The following DIAPH2 variants were observed in gnomAD, a reference collection of about 807,000 sequenced individuals.
The protein encoded by DIAPH2 is diaphanous related formin 2, also known as protein diaphanous homolog 2.
Under a neutral mutation model 92.7 loss-of-function variants are expected in DIAPH2, and 35 were observed. The observed-to-expected ratio is 0.38, with a 90% CI of 0.29 to 0.50. DIAPH2 has a LOEUF of 0.50. Ranked by LOEUF, DIAPH2 falls within the 20% of genes least tolerant of loss-of-function variation. The probability of loss-of-function intolerance (pLI) is 0.94; values close to 1 mark genes in which losing one functional copy is unlikely to be tolerated. For missense variants in DIAPH2, 701 were observed against 819.5 expected (o/e 0.86, Z 1.77); for synonymous variants, 301 against 280.4 (o/e 1.07, Z -0.73).
At chrX:97,367,725 G>A (rs1429810514) in intron 24 of DIAPH2, among the ~76,000 whole-genome samples, 2 of 96,434 alleles carry the variant, frequency 2.1e-5, no homozygotes, top group African/African-American at 3.9e-5. Flanking sequence ...TTTTTGAGAT[G>A]GAGTTTCTCT....
At chrX:97,380,273 T>C (rs891252447) in intron 24 of DIAPH2, among the ~76,000 whole-genome samples, 1 of 111,699 alleles carries the variant, frequency 9.0e-6, no homozygotes, top group African/African-American at 3.2e-5. Context: ...CAAAACACTT[T>C]TTCAATTAGC....
chrX:96,774,955 A>C (rs1266942500), intron 4 of DIAPH2, among the ~76,000 whole-genome samples: 1 of 112,439 alleles, frequency 8.9e-6, no homozygotes, highest in Admixed American at 9.4e-5. Context: ...CTGTGTATAA[A>C]CTAAAATCAG....
chrX:97,546,026 T>G lies in DIAPH2; in HGVS notation c.3242-53227T>G, dbSNP rs756896077. 3.8e-4 allele frequency among the ~76,000 whole-genome samples: 42 copies of G among 111,523 alleles called. No homozygotes were observed. The South Asian group carries it at 0.015, about 40-fold the overall frequency. On this transcript the variant is annotated intron_variant, in intron 26 of 26. Coordinates refer to ENST00000324765, the MANE Select transcript of DIAPH2 (RefSeq NM_006729.5). ...AAGTTTGTCAAATTCGAATGAGACT[T>G]AATATATGGACAATCTATATGACTA...
intron 26 of DIAPH2, among the ~76,000 whole-genome samples, chrX:97,516,991 A>C (rs2147842502): frequency 8.9e-6 from 1 of 112,452 alleles, no homozygotes; most frequent in African/African-American, 3.2e-5. Flanking sequence ...ATGTATATTC[A>C]AGGTGTACAG....
In DIAPH2 at chrX:97,491,733, C is replaced by T. The variant is rs774731557; in HGVS notation, c.3241+61988C>T. Among the ~76,000 whole-genome samples the T allele has an allele frequency of 6.2e-5, 7 of 112,209 alleles. No homozygotes were observed. The South Asian group carries it at 2.6e-3, about 42-fold the overall frequency. ...TCAAGTAATTATTGATAGGGAAGGA[C>T]TTACTATTGCCCTTTTGTTGATTGT... On this transcript the variant is annotated intron_variant, in intron 26 of 26. Transcript: ENST00000324765.
At position 96,794,612 on chromosome X, in the gene DIAPH2, A is replaced by G. The variant is rs932197647; in HGVS notation, c.447+36354A>G. 2.7e-5 allele frequency among the ~76,000 whole-genome samples: 3 copies of G among 111,595 alleles called. No individual in the cohort carries two copies. The Admixed American group carries it at 2.8e-4, about 11-fold the overall frequency. Reference sequence around the variant, plus strand: ...AAATCATGTTGGAGAGCAAATTGGCATCATTAACTGAAGTTAAAGATAACT... The same window carrying G: ...AAATCATGTTGGAGAGCAAATTGGCGTCATTAACTGAAGTTAAAGATAACT... On this transcript the variant is annotated intron_variant, in intron 4 of 26. Transcript: ENST00000324765.
In DIAPH2 at chrX:96,962,486, CACACACACACAT is replaced by C. The variant is rs1339963585; in HGVS notation, c.1936-2605_1936-2594del. On this transcript the variant is annotated intron_variant, in intron 16 of 26. Transcript: ENST00000324765. The stretch of plus-strand genomic sequence containing the variant: ...ATATATACATATATATATACACACA[CACACACACACAT>C]ATATATATATATATATATATATATA... Among the ~76,000 whole-genome samples the C allele has an allele frequency of 1.5e-3, 35 of 22,774 alleles. 3 individuals carry two copies. The highest frequency in any genetic ancestry group is 4.5e-3 in the African/African-American group (31 of 6,907). The allele number at this position is 22,774 out of a possible 115,157, so 19.8% of individuals were successfully genotyped here.
intron 26 of DIAPH2, among the ~76,000 whole-genome samples, chrX:97,542,974 A>G (rs570467042): frequency 7.1e-5 from 8 of 112,431 alleles, no homozygotes; most frequent in Non-Finnish European, 1.3e-4. Context: ...TATTATTCTC[A>G]GAAAGTATAT....
At chrX:97,049,440 A>G (rs189075710) in intron 17 of DIAPH2, among the ~76,000 whole-genome samples, 2 of 111,147 alleles carry the variant, frequency 1.8e-5, no homozygotes, top group Non-Finnish European at 3.8e-5. Context: ...AGTTAGTTAA[A>G]CAGTAGCTTC....
chrX:97,377,090 T>C (rs750112736), intron 24 of DIAPH2, among the ~76,000 whole-genome samples: 1 of 111,931 alleles, frequency 8.9e-6, no homozygotes, highest in Non-Finnish European at 1.9e-5. Context: ...TCAGTATCAC[T>C]GTCTTCCATC....
chrX:97,582,815 C>T (rs1381126610), intron 26 of DIAPH2, among the ~76,000 whole-genome samples: 1 of 111,736 alleles, frequency 8.9e-6, no homozygotes, highest in Non-Finnish European at 1.9e-5. Context: ...GTACACCAAT[C>T]AGACGTAGAT....
intron 12 of DIAPH2, among the ~76,000 whole-genome samples, chrX:96,940,722 G>T (rs879124647): frequency 8.9e-6 from 1 of 111,749 alleles, no homozygotes; most frequent in African/African-American, 3.3e-5. Context: ...AAGCAACAAG[G>T]CTGGTTATAC....
intron 25 of DIAPH2, among the ~76,000 whole-genome samples, chrX:97,428,430 G>A (rs1418721820): frequency 2.7e-5 from 3 of 109,634 alleles, no homozygotes; most frequent in African/African-American, 3.3e-5. Context: ...TCAGGATGCT[G>A]AGACAGGAGA....
chrX:97,249,563 G>A, intron 23 of DIAPH2, among the ~76,000 whole-genome samples: 1 of 111,712 alleles, frequency 9.0e-6, no homozygotes, highest in Non-Finnish European at 1.9e-5. Context: ...GAGTTGGGTT[G>A]GTTAAAAACT....
At chrX:96,761,168 A>G (rs181797198) in intron 4 of DIAPH2, among the ~76,000 whole-genome samples, 26 of 111,363 alleles carry the variant, frequency 2.3e-4, no homozygotes, top group African/African-American at 8.1e-4. Flanking sequence ...GCACATATAG[A>G]CATTTATGAG....
Position 97,146,577 on chromosome X carries a change from G to A in DIAPH2, c.2719+4783G>A, listed in dbSNP as rs779971030. Among the ~76,000 whole-genome samples, 7 of 110,560 alleles carry A rather than the reference G, an allele frequency of 6.3e-5. 1 individual carries two copies. The highest frequency in any genetic ancestry group is 1.3e-4 in the African/African-American group (4 of 30,429). ...TCCAGGCATCAACATTACTGGCAAA[G>A]GGGAAAAAAATCACCTTGAAGTGAA... On this transcript the variant is annotated intron_variant, in intron 22 of 26. Coordinates refer to ENST00000324765, the MANE Select transcript of DIAPH2 (RefSeq NM_006729.5).
At chrX:97,305,663 A>G (rs1049668981) in intron 23 of DIAPH2, among the ~76,000 whole-genome samples, 1 of 107,436 alleles carries the variant, frequency 9.3e-6, no homozygotes, top group South Asian at 4.1e-4. Flanking sequence ...CTACTTAAAA[A>G]AAGACAAAAA....
chrX:96,694,565 TC>T (rs1344452392), intron 1 of DIAPH2, among the ~76,000 whole-genome samples: 3 of 111,627 alleles, frequency 2.7e-5, no homozygotes, highest in Admixed American at 1.9e-4. Flanking sequence ...AGTCTCAAAC[TC>T]CTGACCTCAA....
chrX:97,300,632 AAAC>A (rs1306385197), intron 23 of DIAPH2, among the ~76,000 whole-genome samples: 3 of 106,858 alleles, frequency 2.8e-5, no homozygotes, highest in African/African-American at 1.0e-4. Context: ...AAAAAAAAAA[AAAC>A]AAGAAGAATG....
Sources: gnomAD v4.1 joint callset for allele counts (sites outside exome capture counted in the v4.1 genomes callset) on GRCh38, gnomAD v4.1.1 for gene constraint, MANE v1.5 for transcripts, NCBI Gene and HGNC (gene_info 2026-07-23, HGNC 2026-07-21) for gene names.